LARGE1: variants seen among roughly 807,000 people sequenced by gnomAD.
LARGE1 encodes LARGE xylosyl- and glucuronyltransferase 1, also known as xylosyl- and glucuronyltransferase LARGE1.
Under a neutral mutation model 87.6 loss-of-function variants are expected in LARGE1, and 43 were observed. That is an observed-to-expected ratio of 0.49 (90% CI 0.38 to 0.63). LARGE1 has a LOEUF of 0.63. Ranked by LOEUF, LARGE1 falls within the 30% of genes least tolerant of loss-of-function variation. The probability of loss-of-function intolerance (pLI) is 0.00; values close to 1 mark genes in which losing one functional copy is unlikely to be tolerated. For missense variants in LARGE1, 802 were observed against 1,000.2 expected, an observed-to-expected ratio of 0.80 and a Z score of 2.67; for synonymous variants, 434 against 394.6, an observed-to-expected ratio of 1.10 and a Z score of -1.18.
chr22:33,740,463 AC>A (rs2083837253), intron 2 of LARGE1, among the ~76,000 whole-genome samples: 1 of 152,132 alleles, frequency 6.6e-6, no homozygotes, highest in African/African-American at 2.4e-5. Flanking sequence ...TCCTCCGAGG[AC>A]CTATTATCTT....
chr22:33,830,524 T>C (rs933184391), intron 1 of LARGE1, among the ~76,000 whole-genome samples: 7 of 152,174 alleles, frequency 4.6e-5, no homozygotes, highest in African/African-American at 9.7e-5. Context: ...CTTGGACAAT[T>C]TATTGAACAT....
chr22:33,440,776 T>C (rs928465819), intron 6 of LARGE1, among the ~76,000 whole-genome samples: 2 of 152,168 alleles, frequency 1.3e-5, no homozygotes, highest in Non-Finnish European at 1.5e-5. Context: ...CAACCCCGAA[T>C]AGACTGAAAA....
At chr22:33,578,189 C>T (rs149148701) in intron 5 of LARGE1, among the ~76,000 whole-genome samples, 3 of 152,280 alleles carry the variant, frequency 2.0e-5, no homozygotes, top group African/African-American at 7.2e-5. Flanking sequence ...GCTGTCTAAC[C>T]TTTCTAGATT....
intron 5 of LARGE1, chr22:33,572,171 C>T: frequency 2.3e-6 from 3 of 1,281,876 alleles, no homozygotes; most frequent in Non-Finnish European, 3.1e-6. Context: ...CTGTGGATTA[C>T]AAATCACCTT....
chr22:33,408,969 C>T (rs2066208045), intron 7 of LARGE1, among the ~76,000 whole-genome samples: 1 of 152,172 alleles, frequency 6.6e-6, no homozygotes, highest in South Asian at 2.1e-4. Flanking sequence ...AGAGGTGAGT[C>T]TGTTTGCATT....
chr22:33,535,669 AC>A (rs201947274), intron 6 of LARGE1, among the ~76,000 whole-genome samples: 2,582 of 152,120 alleles, frequency 0.017, 36 homozygotes, highest in Non-Finnish European at 0.024. Flanking sequence ...CTATTGACCA[AC>A]CCCCTCATAG....
intron 1 of LARGE1, among the ~76,000 whole-genome samples, chr22:33,829,644 C>T (rs1185157841): frequency 6.6e-6 from 1 of 152,156 alleles, no homozygotes; most frequent in African/African-American, 2.4e-5. Context: ...TGCTTGAACA[C>T]TGGAAGGCAT....
At chr22:33,648,714 C>T (rs1482034212) in intron 3 of LARGE1, among the ~76,000 whole-genome samples, 1 of 152,210 alleles carries the variant, frequency 6.6e-6, no homozygotes, top group Non-Finnish European at 1.5e-5. Flanking sequence ...TTGTCAAAGA[C>T]TAAAGGGCAC....
At position 33,428,484 on chromosome 22, in the gene LARGE1, T is replaced by C. The variant is rs562113027; in HGVS notation, c.892+3677A>G. 1.9e-3 allele frequency among the ~76,000 whole-genome samples: 281 copies of C among 151,522 alleles called. 1 individual carries two copies. The highest frequency in any genetic ancestry group is 6.6e-3 in the African/African-American group (273 of 41,430). ...ACACACCACCATGCCCAGCTAATTT[T>C]TTGTATTTTTAGTAGAGATGGGGTT... is the stretch of plus-strand genomic sequence containing the variant. On this transcript the variant is annotated intron_variant, in intron 7 of 14. Coordinates refer to ENST00000397394, the MANE Select transcript of LARGE1 (RefSeq NM_133642.5).
At chr22:33,212,227 A>G (rs1313531464) in intron 11 of LARGE1, among the ~76,000 whole-genome samples, 1 of 152,090 alleles carries the variant, frequency 6.6e-6, no homozygotes, top group Non-Finnish European at 1.5e-5. Context: ...GCTTCAAAGG[A>G]CAGGCTGCCT....
the LARGE1 span, among the ~76,000 whole-genome samples, chr22:33,091,814 G>C: frequency 6.6e-6 from 1 of 152,168 alleles, no homozygotes; most frequent in African/African-American, 2.4e-5. Flanking sequence ...TTAGTGATTT[G>C]ATGTGTTTAC....
chr22:33,483,717 C>G (rs917351147), intron 6 of LARGE1, among the ~76,000 whole-genome samples: 1 of 152,102 alleles, frequency 6.6e-6, no homozygotes, highest in Admixed American at 6.5e-5. Context: ...CGTTAAAGGA[C>G]GATTAAATTA....
At chr22:33,286,358 AT>A (rs1326109601) in intron 12 of LARGE1, among the ~76,000 whole-genome samples, 1 of 151,936 alleles carries the variant, frequency 6.6e-6, no homozygotes, top group Non-Finnish European at 1.5e-5. Flanking sequence ...GATTCTGGGT[AT>A]TGGGGGTGGG....
chr22:33,780,920 C>T (rs2085398964), intron 1 of LARGE1, among the ~76,000 whole-genome samples: 1 of 152,218 alleles, frequency 6.6e-6, no homozygotes, highest in South Asian at 2.1e-4. Context: ...AGAGTAAACA[C>T]TCTGGTTAAT....
intron 10 of LARGE1, among the ~76,000 whole-genome samples, chr22:33,327,521 C>T (rs1437413355): frequency 2.6e-5 from 4 of 152,148 alleles, no homozygotes; most frequent in African/African-American, 4.8e-5. Flanking sequence ...GATGGGAAAA[C>T]CGAGGTTCAT....
chr22:33,850,103 A>T (rs1283804507), intron 1 of LARGE1, among the ~76,000 whole-genome samples: 1 of 152,172 alleles, frequency 6.6e-6, no homozygotes, highest in Non-Finnish European at 1.5e-5. Flanking sequence ...CTTCTGTTGC[A>T]GAAACTGCCA....
intron 10 of LARGE1, among the ~76,000 whole-genome samples, chr22:33,332,096 C>T (rs1009744072): frequency 2.0e-5 from 3 of 152,064 alleles, no homozygotes; most frequent in Non-Finnish European, 2.9e-5. Context: ...CTGTGTCTGG[C>T]GACTACCTGA....
chr22:33,394,588 T>A (rs1164950497), intron 7 of LARGE1, among the ~76,000 whole-genome samples: 2 of 152,172 alleles, frequency 1.3e-5, no homozygotes, highest in African/African-American at 4.8e-5. Context: ...CAGAATTACC[T>A]CCATTTTACA....
intron 1 of LARGE1, among the ~76,000 whole-genome samples, chr22:33,867,493 C>A (rs184046833): frequency 5.9e-5 from 9 of 152,286 alleles, no homozygotes; most frequent in Admixed American, 2.6e-4. Flanking sequence ...ACTCACCTGC[C>A]GGCCTGAGCA....
Sources: gnomAD v4.1 joint callset for allele counts (sites outside exome capture counted in the v4.1 genomes callset) on GRCh38, gnomAD v4.1.1 for gene constraint, MANE v1.5 for transcripts, NCBI Gene and HGNC (gene_info 2026-07-23, HGNC 2026-07-21) for gene names.